PPP2R3A: variants seen among roughly 807,000 people sequenced by gnomAD.
PPP2R3A encodes serine/threonine-protein phosphatase 2A regulatory subunit B'' subunit alpha.
In PPP2R3A, 80 loss-of-function variants were observed where a neutral mutation model predicts 106.9. That is an observed-to-expected ratio of 0.75 (90% confidence interval 0.62 to 0.90). The LOEUF (loss-of-function observed/expected upper bound fraction) is 0.90. PPP2R3A is among the 40% of genes least tolerant of loss of function. The pLI is 0.00. For missense variants in PPP2R3A, 1,386 were observed against 1,350.4 expected, an observed-to-expected ratio of 1.03 and a Z score of -0.41; for synonymous variants, 483 against 468.3, an observed-to-expected ratio of 1.03 and a Z score of -0.41.
intron 4 of PPP2R3A, among the ~76,000 whole-genome samples, chr3:136,047,055 T>A (rs976475387): frequency 1.1e-4 from 17 of 152,140 alleles, no homozygotes; most frequent in African/African-American, 4.1e-4. Flanking sequence ...AAAAGAATTT[T>A]AAAAAATGAA....
At position 136,061,791 on chromosome 3, in the gene PPP2R3A, G is replaced by T. The variant is rs536436595; in HGVS notation, c.2470-8687G>T. Among the ~76,000 whole-genome samples, 11 of 151,944 alleles carry T rather than the reference G, an allele frequency of 7.2e-5. No individual in the cohort carries two copies. The East Asian group carries it at 1.9e-3, about 27-fold the overall frequency. On this transcript the variant is annotated intron_variant, in intron 5 of 13. Coordinates refer to ENST00000264977, the MANE Select transcript of PPP2R3A (RefSeq NM_002718.5). ...AAAACATTGCCAGGCGTGGTGGCGG[G>T]TGCCTATAGTCCCAGCTACTCGGGA...
intron 13 of PPP2R3A, among the ~76,000 whole-genome samples, chr3:136,137,196 T>TA (rs1442094442): frequency 6.6e-6 from 1 of 152,208 alleles, no homozygotes; most frequent in Admixed American, 6.5e-5. Flanking sequence ...TCTTCCATGT[T>TA]ACTATCCTAA....
chr3:135,988,595 T>C (rs1288411292), intron 1 of PPP2R3A, among the ~76,000 whole-genome samples: 1 of 152,114 alleles, frequency 6.6e-6, no homozygotes, highest in Non-Finnish European at 1.5e-5. Flanking sequence ...CAAAGTCTAG[T>C]CACACTGGCA....
chr3:136,055,482 C>G (rs1422212617), intron 5 of PPP2R3A: 1 of 1,154,162 alleles, frequency 8.7e-7, no homozygotes, highest in Non-Finnish European at 1.3e-6. Context: ...TTTCTGGATA[C>G]AGAGACCAGT....
intron 5 of PPP2R3A, chr3:136,055,350 G>A (rs1935825429): frequency 5.3e-6 from 5 of 952,310 alleles, no homozygotes; most frequent in Non-Finnish European, 8.7e-6. Context: ...AACTCTAAGA[G>A]TTTAGTTGCT....
At chr3:136,030,761 C>CATATATATATATATATATATATATAT (rs374923726) in intron 3 of PPP2R3A, among the ~76,000 whole-genome samples, 49 of 100,314 alleles carry the variant, frequency 4.9e-4, no homozygotes, top group Middle Eastern at 4.6e-3. Flanking sequence ...TATTCCATCA[C>CATATATATATATATATATATATATAT]ATATATATAT....
At chr3:136,109,181 C>G (rs1234270824) in intron 13 of PPP2R3A, among the ~76,000 whole-genome samples, 1 of 152,082 alleles carries the variant, frequency 6.6e-6, no homozygotes, top group African/African-American at 2.4e-5. Context: ...GTTTCATTAG[C>G]AGGGTCTCAA....
Position 136,128,777 on chromosome 3 carries a change from T to C in PPP2R3A, c.3330-16266T>C, listed in dbSNP as rs982123792. On this transcript the variant is annotated intron_variant, in intron 13 of 13. Transcript: ENST00000264977. ...GACCACATAGTTGGAAGTAAAGCAC[T>C]CCTCAGCAAATGTAAAAGAACAGAA... is the stretch of plus-strand genomic sequence containing the variant. Among the ~76,000 whole-genome samples, 24 of 152,200 alleles carry C rather than the reference T, an allele frequency of 1.6e-4. No individual in the cohort carries two copies. In the East Asian group the frequency reaches 3.9e-3, roughly 25 times the overall value.
chr3:136,008,244 A>G (rs1933913598), intron 2 of PPP2R3A, among the ~76,000 whole-genome samples: 1 of 152,192 alleles, frequency 6.6e-6, no homozygotes, highest in African/African-American at 2.4e-5. Flanking sequence ...CATGTCACTG[A>G]GGGAAAATGT....
chr3:135,969,418 A>G lies in PPP2R3A; in HGVS notation c.-441+3569A>G, dbSNP rs1379092683. ...GAAATGAGATCCTAAGATGACTCCCAGGGTTCTAGCTTGCCCAACCAGTGA... is the reference window on the plus strand; with the variant it reads ...GAAATGAGATCCTAAGATGACTCCCGGGGTTCTAGCTTGCCCAACCAGTGA... On this transcript the variant is annotated intron_variant, in intron 1 of 13. Transcript: ENST00000264977. Among the ~76,000 whole-genome samples, 17 of 152,234 alleles carry G rather than the reference A, an allele frequency of 1.1e-4. No homozygotes were observed. The East Asian group carries it at 2.9e-3, about 26-fold the overall frequency.
intron 4 of PPP2R3A, among the ~76,000 whole-genome samples, chr3:136,042,696 T>C (rs1259421645): frequency 6.6e-6 from 1 of 152,232 alleles, no homozygotes; most frequent in African/African-American, 2.4e-5. Flanking sequence ...TATGAAGTTA[T>C]ATAGCATGAG....
chr3:136,010,622 T>G (rs140331819), intron 2 of PPP2R3A, among the ~76,000 whole-genome samples: 2,089 of 152,032 alleles, frequency 0.014, 54 homozygotes, highest in African/African-American at 0.048. Context: ...GAGACGGAGT[T>G]TCACCATGTT....
intron 13 of PPP2R3A, among the ~76,000 whole-genome samples, chr3:136,143,210 T>C (rs1938948073): frequency 6.6e-6 from 1 of 152,220 alleles, no homozygotes; most frequent in Non-Finnish European, 1.5e-5. Context: ...TGGCCTAGGC[T>C]GGGTGCAGTG....
At chr3:136,128,835 A>G (rs1938288937) in intron 13 of PPP2R3A, among the ~76,000 whole-genome samples, 2 of 152,202 alleles carry the variant, frequency 1.3e-5, no homozygotes, top group South Asian at 4.1e-4. Flanking sequence ...ACCACAGTGC[A>G]ATCAAACTAG....
intron 2 of PPP2R3A, among the ~76,000 whole-genome samples, chr3:136,013,178 GTGTGTATGTATGTA>G (rs1320229809): frequency 1.7e-4 from 21 of 126,910 alleles, no homozygotes; most frequent in African/African-American, 4.1e-4. Flanking sequence ...GTGTGTGTGT[GTGTGTATGTATGTA>G]TGTATGTATG....
intron 2 of PPP2R3A, among the ~76,000 whole-genome samples, chr3:136,009,569 T>C (rs1400870310): frequency 2.6e-5 from 4 of 152,174 alleles, no homozygotes; most frequent in Admixed American, 2.0e-4. Flanking sequence ...CTTATGTTTA[T>C]GTCAGTGGTT....
At chr3:135,995,455 T>TA (rs1383939336) in intron 1 of PPP2R3A, among the ~76,000 whole-genome samples, 9 of 138,590 alleles carry the variant, frequency 6.5e-5, no homozygotes, top group Admixed American at 5.6e-4. Context: ...AGATTTTTTT[T>TA]TTTTTTTTTT....
chr3:136,128,659 A>C (rs899470019), intron 13 of PPP2R3A, among the ~76,000 whole-genome samples: 1 of 152,166 alleles, frequency 6.6e-6, no homozygotes, highest in Non-Finnish European at 1.5e-5. Context: ...CAGCTCTGCA[A>C]CAAGCGACCT....
At chr3:136,073,479 A>G (rs1443289217) in intron 6 of PPP2R3A, among the ~76,000 whole-genome samples, 3 of 152,218 alleles carry the variant, frequency 2.0e-5, no homozygotes, top group Non-Finnish European at 4.4e-5. Context: ...TCACTTTGTT[A>G]TTAACATTGT....
Sources: allele counts gnomAD v4.1 joint callset (sites outside exome capture counted in the v4.1 genomes callset), GRCh38; gene constraint gnomAD v4.1.1; transcripts MANE v1.5; gene names NCBI Gene and HGNC (gene_info 2026-07-23, HGNC 2026-07-21).